TNFRSF11A: variants seen among roughly 807,000 people sequenced by gnomAD.
TNFRSF11A encodes the protein tumor necrosis factor receptor superfamily member 11A.
Under a neutral mutation model 55.7 loss-of-function variants are expected in TNFRSF11A, and 32 were observed. That is an observed-to-expected ratio of 0.57 (90% CI 0.43 to 0.77). The LOEUF (loss-of-function observed/expected upper bound fraction) is 0.77, where lower values mean the gene tolerates loss of function less well. TNFRSF11A is among the 30% of genes least tolerant of loss of function. The pLI, the probability that TNFRSF11A is intolerant of heterozygous loss-of-function variation, is 0.00. For missense variants in TNFRSF11A, 753 were observed against 809.8 expected (o/e 0.93, Z 0.85); for synonymous variants, 311 against 331.0 (o/e 0.94, Z 0.65).
intron 9 of TNFRSF11A, among the ~76,000 whole-genome samples, chr18:62,376,218 T>C (rs1407342853): frequency 6.6e-6 from 1 of 151,970 alleles, no homozygotes; most frequent in African/African-American, 2.4e-5. Context: ...GATGTTACTA[T>C]TTTCACTATC....
rs900872310 is a variant in TNFRSF11A, at chr18:62,385,872, A to G, written c.*838A>G. On this transcript the variant is annotated 3_prime_UTR_variant, in exon 10 of 10. Transcript: ENST00000586569. ...TGTGTTCATTGTAAACACTTTTGGG[A>G]AAGGGCTAAACATGTGAGGCCTGGA... 2 of 152,198 alleles carry G rather than the reference A, an allele frequency of 1.3e-5. No individual in the cohort carries two copies. Among genetic ancestry groups the G allele is most frequent in the Non-Finnish European group, 2.9e-5 (2 of 68,040 alleles). 9.4% of individuals were successfully genotyped at this position (152,198 alleles called of 1,614,324 possible).
chr18:62,361,882 G>A, intron 7 of TNFRSF11A, 89 bp downstream of exon 7: 1 of 1,147,984 alleles, frequency 8.7e-7, no homozygotes, highest in Non-Finnish European at 1.3e-6. Context: ...TTGTCTACTT[G>A]CTGCCTATGG....
chr18:62,371,004 A>G (rs6567275), intron 9 of TNFRSF11A, among the ~76,000 whole-genome samples: 45,215 of 151,544 alleles, frequency 0.3, 7,203 homozygotes, highest in Non-Finnish European at 0.33. Context: ...TAATTTTTGT[A>G]TTTTCAGTAA....
At chr18:62,327,630 T>G (rs1378698709) in intron 1 of TNFRSF11A, among the ~76,000 whole-genome samples, 1 of 152,206 alleles carries the variant, frequency 6.6e-6, no homozygotes, top group Non-Finnish European at 1.5e-5. Flanking sequence ...GACAGTTCAT[T>G]GAAGATGTTA....
At position 62,356,358 on chromosome 18, in the gene TNFRSF11A, G is replaced by T. The variant is rs181837274; in HGVS notation, c.427+1824G>T. Among the ~76,000 whole-genome samples, 56 of 152,272 alleles carry T rather than the reference G, an allele frequency of 3.7e-4. No individual in the cohort carries two copies. In the East Asian group the frequency reaches 9.4e-3, roughly 26 times the overall value. ...CTTTCTCTTACAAAAAGTCTGACTT[G>T]ATTTTTTAATGGTTAAAATGGATCT... On this transcript the variant is annotated intron_variant, in intron 4 of 9. Coordinates refer to ENST00000586569, the MANE Select transcript of TNFRSF11A (RefSeq NM_003839.4).
chr18:62,371,148 T>C (rs1023193602), intron 9 of TNFRSF11A, among the ~76,000 whole-genome samples: 1 of 152,182 alleles, frequency 6.6e-6, no homozygotes, highest in African/African-American at 2.4e-5. Flanking sequence ...TTCTTTTCTC[T>C]CAGTTTATTG....
chr18:62,371,776 T>C (rs1910572962), intron 9 of TNFRSF11A, among the ~76,000 whole-genome samples: 2 of 152,322 alleles, frequency 1.3e-5, no homozygotes, highest in South Asian at 4.1e-4. Context: ...ATTCTTGCTT[T>C]TTCATGTAGT....
Position 62,369,028 on chromosome 18 carries a change from A to G in TNFRSF11A, c.1111A>G (p.Thr371Ala), listed in dbSNP as rs1197983047. 2 of 1,614,222 alleles carry G rather than the reference A, an allele frequency of 1.2e-6. No individual in the cohort carries two copies. The highest frequency in any genetic ancestry group is 1.3e-5 in the African/African-American group (1 of 75,064). Residue 371 changes from threonine (T) to alanine (A), a missense_variant, in exon 9 of 10, where the codon ACA becomes GCA. Physicochemically the swap from Thr to Ala is moderately conservative, Grantham distance 58. Transcript: ENST00000586569. The stretch of plus-strand genomic sequence containing the variant: ...CCTCACTGAGCCTGGAAGCAAATCC[A>G]CACCTCCTTTCTCTGAACCCCTGGA... ...LFLTEPGSKS[T>A]PPFSEPLEVG...
rs1286981240 is a variant in TNFRSF11A, at chr18:62,325,595, C to T, written c.75+168C>T. Among the ~76,000 whole-genome samples the T allele has an allele frequency of 6.6e-6, 1 of 151,734 alleles. No homozygotes were observed. Among genetic ancestry groups the T allele is most frequent in the African/African-American group, 2.4e-5 (1 of 41,346 alleles). ...GGGAGGCGCTTCCAGAGTTGGACGG[C>T]GGAGGGCGGGAAAGGGCAAGCGGAG... On this transcript the variant is annotated intron_variant, in intron 1 of 9. Transcript: ENST00000586569. The surrounding 1 kb of genome is among the most constrained non-coding windows in gnomAD (Gnocchi z 4.7).
At chr18:62,373,609 CAA>C (rs1246587805) in intron 9 of TNFRSF11A, among the ~76,000 whole-genome samples, 2 of 152,162 alleles carry the variant, frequency 1.3e-5, no homozygotes, top group Non-Finnish European at 2.9e-5. Flanking sequence ...TTTGTTCCCC[CAA>C]GTCACTCTCA....
At chr18:62,354,674 G>A in intron 4 of TNFRSF11A, 140 bp downstream of exon 4, 1 of 1,306,360 alleles carries the variant, frequency 7.7e-7, no homozygotes, top group Non-Finnish European at 1.1e-6. Flanking sequence ...GAAAGGTGGG[G>A]GCTGATTTTC....
intron 1 of TNFRSF11A, among the ~76,000 whole-genome samples, chr18:62,342,401 C>CAAAAAAAAAAAAAAAAAAAAAAAAAAA: frequency 1.6e-5 from 1 of 62,230 alleles, no homozygotes; most frequent in South Asian, 5.4e-4. Flanking sequence ...GATTCTGTCT[C>CAAAAAAAAAAAAAAAAAAAAAAAAAAA]AAAAAAAAAA....
Position 62,325,381 on chromosome 18 carries a change from C to G in TNFRSF11A, c.29C>G (p.Pro10Arg). ...GCCCCGCGCGCCCGGCGGCGCCGCC[C>G]GCTGTTCGCGCTGCTGCTGCTCTGC... Reference protein sequence around the residue: MAPRARRRRPLFALLLLCAL... With the variant: MAPRARRRRRLFALLLLCAL... Residue 10 changes from proline (P) to arginine (R), a missense_variant, in exon 1 of 10, where the codon CCG becomes CGG. This residue lies in a region of TNFRSF11A where 156 missense variants were observed against 155.1 expected (regional missense o/e 1.01). Transcript: ENST00000586569. This position sits in a 1 kb window ranked among gnomAD's most constrained non-coding sequence, Gnocchi z 4.7. 1.8e-6 allele frequency: 2 copies of G among 1,087,698 alleles called. No individual in the cohort carries two copies. The highest frequency in any genetic ancestry group is 2.2e-6 in the Non-Finnish European group (2 of 897,928). 67.4% of individuals were successfully genotyped at this position (1,087,698 alleles called of 1,614,324 possible). A position where few individuals can be genotyped will look rare whatever the true frequency, so the allele number is the denominator to read the frequency against.
At chr18:62,370,352 T>C (rs1186192827) in intron 9 of TNFRSF11A, among the ~76,000 whole-genome samples, 1 of 152,230 alleles carries the variant, frequency 6.6e-6, no homozygotes, top group Non-Finnish European at 1.5e-5. Flanking sequence ...GAAAAACGAA[T>C]ATATGGATAT....
Position 62,325,469 on chromosome 18 carries a change from C to T in TNFRSF11A, c.75+42C>T. ...CCTGCCGGGCCGCGCGGCCCGACGCCTCCTCGGGAGCCCCGGGAAGGGCCG... is the reference window on the plus strand; with the variant it reads ...CCTGCCGGGCCGCGCGGCCCGACGCTTCCTCGGGAGCCCCGGGAAGGGCCG... On this transcript the variant is annotated intron_variant, in intron 1 of 9. Transcript: ENST00000586569. The surrounding 1 kb of genome is among the most constrained non-coding windows in gnomAD (Gnocchi z 4.7). 1 of 1,205,044 alleles carries T rather than the reference C, an allele frequency of 8.3e-7. No homozygotes were observed. The highest frequency in any genetic ancestry group is 1.0e-6 in the Non-Finnish European group (1 of 958,072). 74.6% of individuals were successfully genotyped at this position (1,205,044 alleles called of 1,614,324 possible). A position where few individuals can be genotyped will look rare whatever the true frequency, so the allele number is the denominator to read the frequency against.
chr18:62,327,856 G>A (rs2046097599), intron 1 of TNFRSF11A, among the ~76,000 whole-genome samples: 1 of 152,212 alleles, frequency 6.6e-6, no homozygotes, highest in Non-Finnish European at 1.5e-5. Context: ...GCTTGTATTT[G>A]TGAGGGAATT....
In TNFRSF11A at chr18:62,385,333, T is replaced by G; in HGVS notation, c.*299T>G. On this transcript the variant is annotated 3_prime_UTR_variant, in exon 10 of 10. Coordinates refer to ENST00000586569, the MANE Select transcript of TNFRSF11A (RefSeq NM_003839.4). ...ACTATGACAGCTATTTTTATGACTA[T>G]CCTGTTCTGTGGGGGGGGGGGTCTG... The G allele has an allele frequency of 5.8e-5, 12 of 207,190 alleles. No homozygotes were observed. Among genetic ancestry groups the G allele is most frequent in the East Asian group, 1.3e-4 (1 of 7,782 alleles). The allele number at this position is 207,190 out of a possible 1,614,324, so 12.8% of individuals were successfully genotyped here. A position where few individuals can be genotyped will look rare whatever the true frequency, so the allele number is the denominator to read the frequency against.
chr18:62,366,620 C>A, intron 7 of TNFRSF11A, 88 bp from the exon 8 acceptor site: 2 of 1,368,284 alleles, frequency 1.5e-6, no homozygotes, highest in East Asian at 2.3e-5. Context: ...ATGTTGTATA[C>A]CTTAAATATA....
chr18:62,334,476 G>A (rs539813403), intron 1 of TNFRSF11A, among the ~76,000 whole-genome samples: 5 of 152,288 alleles, frequency 3.3e-5, no homozygotes, highest in African/African-American at 1.2e-4. Flanking sequence ...TCTGTGTAGG[G>A]TGGGAGGAGG....
Sources: gnomAD v4.1 joint callset for allele counts (sites outside exome capture counted in the v4.1 genomes callset) on GRCh38, gnomAD v4.1.1 for gene constraint, gnomAD v4.1.1 regional missense constraint, Gnocchi (gnomAD v3.1) non-coding constraint, MANE v1.5 for transcripts, NCBI Gene and HGNC (gene_info 2026-07-23, HGNC 2026-07-21) for gene names.